COPB2: variants seen among roughly 807,000 people sequenced by gnomAD.
The protein encoded by COPB2 is coatomer subunit beta'.
A neutral mutation model predicts 120.8 loss-of-function variants in COPB2; 16 were observed. The ratio of observed to expected loss-of-function variants is 0.13; its 90% CI spans 0.09 to 0.20. COPB2 has a LOEUF of 0.20. Among genes scored for constraint, COPB2 ranks in the 10% least tolerant of loss-of-function variants. COPB2 has a pLI of 1.00. For missense variants in COPB2, 794 were observed against 1,076.5 expected (o/e 0.74, Z 3.67); for synonymous variants, 332 against 366.3 (o/e 0.91, Z 1.07).
At chr3:139,358,007 G>C in intron 21 of COPB2, 49 bp from the exon 22 acceptor site, 3 of 1,183,250 alleles carry the variant, frequency 2.5e-6, no homozygotes, top group South Asian at 1.4e-5. Context: ...ACTGTTAAAG[G>C]AAAGTTATCC....
intron 15 of COPB2, 150 bp downstream of exon 15, chr3:139,366,418 G>A (rs936362691): frequency 1.5e-6 from 1 of 651,782 alleles, no homozygotes; most frequent in African/African-American, 1.8e-5. Context: ...TGTATCATGT[G>A]CTGTAATAAG....
At chr3:139,365,075 C>A (rs1327954220) in intron 15 of COPB2, among the ~76,000 whole-genome samples, 5 of 151,868 alleles carry the variant, frequency 3.3e-5, no homozygotes, top group Admixed American at 6.6e-5. Context: ...ATGAACAATT[C>A]CAGAAAGACA....
chr3:139,362,299 C>A, intron 16 of COPB2, 108 bp downstream of exon 16: 1 of 560,708 alleles, frequency 1.8e-6, no homozygotes, highest in Non-Finnish European at 3.0e-6. Context: ...CAAAATGAGC[C>A]ACTAATTTGC....
intron 9 of COPB2, 71 bp from the exon 10 acceptor site, chr3:139,371,904 T>TC: frequency 1.9e-6 from 2 of 1,063,670 alleles, no homozygotes; most frequent in Non-Finnish European, 2.8e-6. Context: ...GAACAATAAT[T>TC]CATGTTATGG....
At chr3:139,376,100 G>C (rs2107805851) in intron 5 of COPB2, among the ~76,000 whole-genome samples, 1 of 152,172 alleles carries the variant, frequency 6.6e-6, no homozygotes, top group South Asian at 2.1e-4. Flanking sequence ...AAAGTAAAAA[G>C]TAAAAAATTA....
intron 16 of COPB2, among the ~76,000 whole-genome samples, 196 bp from the exon 17 acceptor site, chr3:139,361,491 AAC>A (rs963708378): frequency 2.0e-5 from 3 of 152,264 alleles, no homozygotes; most frequent in African/African-American, 4.8e-5. Flanking sequence ...AATGAATTTA[AAC>A]ACAAATCAAT....
intron 17 of COPB2, among the ~76,000 whole-genome samples, chr3:139,360,178 G>A (rs7372811): frequency 0.43 from 57,168 of 134,320 alleles, 13,599 homozygotes; most frequent in Non-Finnish European, 0.56. Context: ...GTTATATGGC[G>A]AAGTATGGGA....
At chr3:139,372,539 A>G (rs1446692399) in intron 9 of COPB2, among the ~76,000 whole-genome samples, 1 of 152,224 alleles carries the variant, frequency 6.6e-6, no homozygotes, top group Non-Finnish European at 1.5e-5. Context: ...TAAGACAATT[A>G]TATTACAAAT....
In COPB2 at chr3:139,369,734, G is replaced by C. The variant is rs556123948; in HGVS notation, c.1206-190C>G. 3.0e-4 allele frequency among the ~76,000 whole-genome samples: 45 copies of C among 152,168 alleles called. No homozygotes were observed. The South Asian group carries it at 8.7e-3, about 30-fold the overall frequency. On this transcript the variant is annotated intron_variant, in intron 10 of 21. Transcript: ENST00000333188. The stretch of plus-strand genomic sequence containing the variant: ...CTTACAGTTGGACAAATGATGAAAG[G>C]GTTTTATACTGTGTATGACATGAAT...
chr3:139,368,043 C>T, intron 13 of COPB2, 102 bp downstream of exon 13: 8 of 1,303,894 alleles, frequency 6.1e-6, no homozygotes, highest in Non-Finnish European at 8.2e-6. Context: ...TGTCTCCCTA[C>T]ACCTAATTTA....
At chr3:139,362,034 A>C (rs889519907) in intron 16 of COPB2, among the ~76,000 whole-genome samples, 12 of 152,152 alleles carry the variant, frequency 7.9e-5, no homozygotes, top group African/African-American at 2.9e-4. Context: ...GTCTTTCAAA[A>C]CCAACATATT....
At chr3:139,369,617 TC>T in intron 10 of COPB2, 73 bp from the exon 11 acceptor site, 1 of 928,230 alleles carries the variant, frequency 1.1e-6, no homozygotes, top group Non-Finnish European at 1.7e-6. Context: ...GTTGGAAATA[TC>T]TTCAAATATT....
At chr3:139,361,687 T>C (rs1213928636) in intron 16 of COPB2, among the ~76,000 whole-genome samples, 1 of 152,216 alleles carries the variant, frequency 6.6e-6, no homozygotes, top group East Asian at 1.9e-4. Context: ...ACAATAATAT[T>C]ATGTCTCACT....
intron 6 of COPB2, among the ~76,000 whole-genome samples, 163 bp from the exon 7 acceptor site, chr3:139,374,751 T>C (rs1371468841): frequency 6.6e-6 from 1 of 152,202 alleles, no homozygotes; most frequent in Non-Finnish European, 1.5e-5. Context: ...TTGTTGTATA[T>C]ATGAATATTT....
Position 139,379,716 on chromosome 3 carries a change from T to C in COPB2, c.142-250A>G, listed in dbSNP as rs1941773242. ...ACAAGATGGTATTCCAGATCCTCTGTGCTCCAGCCCTTCCCTCCCTTTTCC... is the reference window on the plus strand; with the variant it reads ...ACAAGATGGTATTCCAGATCCTCTGCGCTCCAGCCCTTCCCTCCCTTTTCC... On this transcript the variant is annotated intron_variant, in intron 2 of 21. Coordinates refer to ENST00000333188, the MANE Select transcript of COPB2 (RefSeq NM_004766.3). 1.8e-5 allele frequency: 7 copies of C among 398,624 alleles called. No homozygotes were observed. In the South Asian group the frequency reaches 2.4e-4, roughly 14 times the overall value. The allele number at this position is 398,624 out of a possible 1,614,324, so 24.7% of individuals were successfully genotyped here.
chr3:139,386,000 G>A (rs1457463399), intron 1 of COPB2, among the ~76,000 whole-genome samples: 1 of 152,114 alleles, frequency 6.6e-6, no homozygotes, highest in Admixed American at 6.5e-5. Context: ...GGTTACTTTT[G>A]AATATAAAAA....
At chr3:139,378,240 A>C (rs375289023) in intron 4 of COPB2, 51 bp from the exon 5 acceptor site, 4 of 1,483,850 alleles carry the variant, frequency 2.7e-6, no homozygotes, top group Non-Finnish European at 3.7e-6. Flanking sequence ...TTTTCACTTC[A>C]TAACTAAGAC....
chr3:139,388,407 G>GA (rs200317817), intron 1 of COPB2: 1 of 149,098 alleles, frequency 6.7e-6, no homozygotes, highest in African/African-American at 2.5e-5. Flanking sequence ...ATGGATTGTG[G>GA]GGGGGGGTGT....
intron 4 of COPB2, 145 bp downstream of exon 4, chr3:139,378,902 A>T: frequency 1.4e-6 from 1 of 712,480 alleles, no homozygotes; most frequent in Non-Finnish European, 2.2e-6. Flanking sequence ...AGCAGCATCA[A>T]TAGCACAGTA....
Sources: allele counts gnomAD v4.1 joint callset (sites outside exome capture counted in the v4.1 genomes callset), GRCh38; gene constraint gnomAD v4.1.1; transcripts MANE v1.5; gene names NCBI Gene and HGNC (gene_info 2026-07-23, HGNC 2026-07-21).